The following CCDC171 variants were observed in gnomAD, a reference collection of about 807,000 sequenced individuals.
The protein encoded by CCDC171 is coiled-coil domain-containing protein 171.
CCDC171 carries 177 observed loss-of-function variants against 168.2 expected under a neutral mutation model. The ratio of observed to expected loss-of-function variants is 1.05; its 90% CI spans 0.93 to 1.19. CCDC171 has a LOEUF of 1.19. CCDC171 is among the 50% of genes most tolerant of loss of function. The pLI is 0.00. For synonymous variants in CCDC171, 687 were observed against 540.8 expected (o/e 1.27, Z -3.75); for missense variants, 1,991 against 1,539.0 (o/e 1.29, Z -4.91).
intron 6 of CCDC171, among the ~76,000 whole-genome samples, chr9:16,028,516 A>C (rs1269394228): frequency 6.6e-6 from 1 of 152,186 alleles, no homozygotes; most frequent in East Asian, 1.9e-4. Context: ...ACTCATACTA[A>C]ATATTATTTG....
chr9:15,840,801 G>A (rs930429363), intron 21 of CCDC171, among the ~76,000 whole-genome samples: 5 of 151,804 alleles, frequency 3.3e-5, no homozygotes, highest in Admixed American at 1.3e-4. Flanking sequence ...TTTAAAATGT[G>A]TAACTATTTC....
rs534141678 is a variant in CCDC171 at position 15,590,039 on chromosome 9, T to C, written c.353-1327T>C. On this transcript the variant is annotated intron_variant, in intron 4 of 25. Coordinates refer to ENST00000380701, the MANE Select transcript of CCDC171 (RefSeq NM_173550.4). ...TAGACCTACTGCAGGCATAGCATTATGAAATTTCAGAAAAATAAAGACAGA... is the reference window on the plus strand; with the variant it reads ...TAGACCTACTGCAGGCATAGCATTACGAAATTTCAGAAAAATAAAGACAGA... Among the ~76,000 whole-genome samples, 3 of 152,338 alleles carry C rather than the reference T, an allele frequency of 2.0e-5. No individual in the cohort carries two copies. The East Asian group carries it at 5.8e-4, about 29-fold the overall frequency.
At chr9:16,059,390 G>A (rs376683832) in intron 1 of CCDC171, among the ~76,000 whole-genome samples, 1 of 152,064 alleles carries the variant, frequency 6.6e-6, no homozygotes, top group African/African-American at 2.4e-5. Flanking sequence ...ATATGCGTCC[G>A]GTGTCCGGAG....
intron 7 of CCDC171, among the ~76,000 whole-genome samples, chr9:15,631,907 C>A (rs2045742685): frequency 1.3e-5 from 2 of 152,028 alleles, no homozygotes; most frequent in Non-Finnish European, 1.5e-5. Context: ...TAAACAGAAC[C>A]AAAGACAAAA....
intron 21 of CCDC171, among the ~76,000 whole-genome samples, chr9:15,837,690 CTTTGT>C (rs1377731121): frequency 6.6e-6 from 1 of 152,166 alleles, no homozygotes; most frequent in Non-Finnish European, 1.5e-5. Context: ...GAGCCTTCAT[CTTTGT>C]TTTAACAACT....
chr9:15,995,047 G>A (rs1023331879), intron 3 of CCDC171, among the ~76,000 whole-genome samples: 1 of 152,148 alleles, frequency 6.6e-6, no homozygotes, highest in Admixed American at 6.5e-5. Flanking sequence ...CCAAGCATTG[G>A]CAACAGAATA....
At chr9:15,933,986 C>G (rs780699767) in intron 25 of CCDC171, among the ~76,000 whole-genome samples, 1 of 151,892 alleles carries the variant, frequency 6.6e-6, no homozygotes, top group African/African-American at 2.4e-5. Flanking sequence ...GAAAAGACAA[C>G]CCATAGAATG....
chr9:15,991,745 A>G (rs1049411768), intron 3 of CCDC171, among the ~76,000 whole-genome samples: 2 of 152,228 alleles, frequency 1.3e-5, no homozygotes, highest in Admixed American at 6.5e-5. Context: ...GATAAAGGGG[A>G]TATCACCACC....
Position 16,026,717 on chromosome 9 carries a change from G to A in CCDC171, n.998+3809G>A, listed in dbSNP as rs949141256. On this transcript the variant is annotated intron_variant and non_coding_transcript_variant, in intron 6 of 9. Transcript: ENST00000486641. ...ACAGTTAAGGGGTTACTGGTAATAG[G>A]AAAATCATTAAAACTGGAGATATAA... Among the ~76,000 whole-genome samples, 4 of 152,048 alleles carry A rather than the reference G, an allele frequency of 2.6e-5. No homozygotes were observed. In the South Asian group the frequency reaches 6.2e-4, roughly 24 times the overall value.
intron 25 of CCDC171, among the ~76,000 whole-genome samples, chr9:15,932,185 A>G (rs1367845332): frequency 2.6e-5 from 4 of 151,836 alleles, no homozygotes; most frequent in African/African-American, 9.7e-5. Flanking sequence ...CATTACATCT[A>G]TAGATCACTT....
intron 6 of CCDC171, among the ~76,000 whole-genome samples, chr9:15,613,323 A>G (rs993199300): frequency 6.6e-6 from 1 of 152,160 alleles, no homozygotes; most frequent in Non-Finnish European, 1.5e-5. Context: ...AATGACGTAG[A>G]ATGAAACCAG....
intron 8 of CCDC171, among the ~76,000 whole-genome samples, chr9:15,665,539 G>C (rs1587834005): frequency 6.6e-6 from 1 of 152,278 alleles, no homozygotes; most frequent in East Asian, 1.9e-4. Context: ...TCAGTGCTTT[G>C]GGAGGCTAAG....
At chr9:15,574,371 C>T (rs1205429018) in intron 3 of CCDC171, among the ~76,000 whole-genome samples, 1 of 151,990 alleles carries the variant, frequency 6.6e-6, no homozygotes, top group African/African-American at 2.4e-5. Flanking sequence ...TCTCGAACTC[C>T]TGACTTTGTG....
intron 10 of CCDC171, among the ~76,000 whole-genome samples, chr9:15,685,531 A>C (rs1376835419): frequency 6.6e-6 from 1 of 152,114 alleles, no homozygotes; most frequent in Non-Finnish European, 1.5e-5. Flanking sequence ...GCTACTTGGG[A>C]GGCTGAGATG....
At chr9:16,016,929 A>G (rs908191744) in intron 3 of CCDC171, among the ~76,000 whole-genome samples, 3 of 152,198 alleles carry the variant, frequency 2.0e-5, no homozygotes, top group Admixed American at 6.5e-5. Flanking sequence ...GACAGCATGC[A>G]CAAATACTTT....
chr9:15,998,732 T>C (rs1270276316), intron 3 of CCDC171, among the ~76,000 whole-genome samples: 1 of 152,120 alleles, frequency 6.6e-6, no homozygotes, highest in Admixed American at 6.5e-5. Context: ...CATGCCCTTC[T>C]GAAAAAAATT....
At chr9:15,693,334 G>T (rs920640397) in intron 10 of CCDC171, among the ~76,000 whole-genome samples, 1 of 152,050 alleles carries the variant, frequency 6.6e-6, no homozygotes, top group Non-Finnish European at 1.5e-5. Context: ...TTGATGAAGG[G>T]CATCCTCCTA....
At chr9:16,061,479 C>T (rs1023292628), downstream of CCDC171, 1 of 152,030 alleles carries the variant, frequency 6.6e-6, no homozygotes, top group African/African-American at 2.4e-5. Context: ...TTTCTCTCTT[C>T]CTGATTTTTT....
intron 3 of CCDC171, among the ~76,000 whole-genome samples, chr9:15,574,231 G>A (rs994275992): frequency 6.6e-6 from 1 of 151,256 alleles, no homozygotes; most frequent in Admixed American, 6.6e-5. Flanking sequence ...TGCAACCTCT[G>A]CCTCCCAGGT....
Sources: allele counts gnomAD v4.1 joint callset (sites outside exome capture counted in the v4.1 genomes callset), GRCh38; gene constraint gnomAD v4.1.1; transcripts MANE v1.5; gene names NCBI Gene and HGNC (gene_info 2026-07-23, HGNC 2026-07-21).